Variants in NIPSNAP2 observed in about 807,000 individuals in gnomAD.
The protein encoded by NIPSNAP2 is nipsnap homolog 2.
In NIPSNAP2, 42 loss-of-function variants were observed where a neutral mutation model predicts 48.4. The ratio of observed to expected loss-of-function variants is 0.87; its 90% confidence interval spans 0.68 to 1.12. The LOEUF (loss-of-function observed/expected upper bound fraction) is 1.12, where lower values mean the gene tolerates loss of function less well. NIPSNAP2 is among the 50% of genes most tolerant of loss of function. The pLI, the probability that NIPSNAP2 is intolerant of heterozygous loss-of-function variation, is 0.00. For missense variants in NIPSNAP2, 314 were observed against 347.3 expected (o/e 0.90, Z 0.76); for synonymous variants, 158 against 126.6 (o/e 1.25, Z -1.67).
chr7:55,994,547 T>C (rs1170938768), intron 7 of NIPSNAP2, among the ~76,000 whole-genome samples: 1 of 152,004 alleles, frequency 6.6e-6, no homozygotes, highest in Non-Finnish European at 1.5e-5. Context: ...ATCTTGTCTC[T>C]ACTAAAAATA....
At chr7:55,987,708 G>A (rs1238045927) in intron 7 of NIPSNAP2, among the ~76,000 whole-genome samples, 5 of 152,180 alleles carry the variant, frequency 3.3e-5, no homozygotes, top group Non-Finnish European at 7.3e-5. Context: ...AGTGAAATAA[G>A]AGGACAAATA....
In NIPSNAP2 at chr7:55,997,615, G is replaced by A. The variant is rs142761499; in HGVS notation, c.796+166G>A. Among the ~76,000 whole-genome samples the A allele has an allele frequency of 3.2e-4, 48 of 152,250 alleles. 2 individuals carry two copies. Among genetic ancestry groups the A allele is most frequent in the African/African-American group, 1.1e-3 (46 of 41,548 alleles). Reference sequence around the variant, plus strand: ...GTCAATTTTTCTCTAATACTTACATGACTTTTTTTCAATAAAGTAGAATAT... The same window carrying A: ...GTCAATTTTTCTCTAATACTTACATAACTTTTTTTCAATAAAGTAGAATAT... On this transcript the variant is annotated intron_variant, in intron 9 of 9. Coordinates refer to ENST00000322090, the MANE Select transcript of NIPSNAP2 (RefSeq NM_001483.3).
At position 55,973,555 on chromosome 7, in the gene NIPSNAP2, A is replaced by G. The variant is rs58875447; in HGVS notation, c.93-4571A>G. 1.9e-3 allele frequency among the ~76,000 whole-genome samples: 283 copies of G among 151,814 alleles called. 2 individuals are homozygous for G. Among genetic ancestry groups the G allele is most frequent in the African/African-American group, 6.5e-3 (269 of 41,426 alleles). On this transcript the variant is annotated intron_variant, in intron 1 of 9. Coordinates refer to ENST00000322090, the MANE Select transcript of NIPSNAP2 (RefSeq NM_001483.3). The stretch of plus-strand genomic sequence containing the variant: ...CAGTGGCACGACTTGGCTCACTGCA[A>G]TCTCCACCTCCTGGGTTCAAGCGAT...
chr7:55,996,553 T>G (rs1482592186), intron 8 of NIPSNAP2, among the ~76,000 whole-genome samples: 2 of 152,132 alleles, frequency 1.3e-5, no homozygotes, highest in African/African-American at 4.8e-5. Flanking sequence ...ATCCTGGGGC[T>G]TCACCGCTGG....
intron 1 of NIPSNAP2, among the ~76,000 whole-genome samples, chr7:55,975,958 A>G (rs764982442): frequency 2.0e-5 from 3 of 151,982 alleles, no homozygotes; most frequent in African/African-American, 7.3e-5. Context: ...AATCGCTTGA[A>G]CCTGGGAGGT....
intron 1 of NIPSNAP2, among the ~76,000 whole-genome samples, chr7:55,972,163 G>T (rs368038652): frequency 6.6e-6 from 1 of 152,096 alleles, no homozygotes; most frequent in African/African-American, 2.4e-5. Context: ...AAAATTAGAT[G>T]GGTGTGGTGG....
intron 1 of NIPSNAP2, among the ~76,000 whole-genome samples, chr7:55,972,788 T>C (rs1289654882): frequency 6.6e-6 from 1 of 152,092 alleles, no homozygotes; most frequent in Non-Finnish European, 1.5e-5. Context: ...TCAAACTAAT[T>C]GACAAAATGT....
intron 7 of NIPSNAP2, among the ~76,000 whole-genome samples, chr7:55,985,563 C>A (rs1488996442): frequency 6.6e-6 from 1 of 151,778 alleles, no homozygotes. Flanking sequence ...ATAGTAAGAC[C>A]CCCAACCTCT....
chr7:55,964,790 G>A, intron 1 of NIPSNAP2, 89 bp downstream of exon 1: 2 of 622,026 alleles, frequency 3.2e-6, no homozygotes, highest in Non-Finnish European at 4.2e-6. Flanking sequence ...TCTCCGCCCC[G>A]GCCCTGTCCC....
Position 55,983,894 on chromosome 7 carries a change from C to A in NIPSNAP2, c.585+26C>A, listed in dbSNP as rs1450843650. ...GTAAGTACAGAAATATAAGTTATTCCTTTTACTCCTCTGTGAAAAAGCACA... is the reference window on the plus strand; with the variant it reads ...GTAAGTACAGAAATATAAGTTATTCATTTTACTCCTCTGTGAAAAAGCACA... On this transcript the variant is annotated intron_variant, in intron 6 of 9. Coordinates refer to ENST00000322090, the MANE Select transcript of NIPSNAP2 (RefSeq NM_001483.3). The A allele has an allele frequency of 1.9e-6, 3 of 1,601,512 alleles. No individual in the cohort carries two copies. The African/African-American group carries it at 4.0e-5, about 22-fold the overall frequency.
chr7:55,975,575 A>C (rs1787092446), intron 1 of NIPSNAP2, among the ~76,000 whole-genome samples: 1 of 152,178 alleles, frequency 6.6e-6, no homozygotes, highest in South Asian at 2.1e-4. Flanking sequence ...TGATTATAAA[A>C]GGATTAACTT....
intron 3 of NIPSNAP2, chr7:55,981,194 T>A: frequency 5.3e-6 from 1 of 188,254 alleles, no homozygotes; most frequent in Non-Finnish European, 1.1e-5. Context: ...GCTCCCAAAA[T>A]CCTGGGACCT....
At position 55,983,884 on chromosome 7, in the gene NIPSNAP2, T is replaced by G; in HGVS notation, c.585+16T>G. On this transcript the variant is annotated intron_variant, in intron 6 of 9. Transcript: ENST00000322090. ...CCAACTCCGAGTAAGTACAGAAATA[T>G]AAGTTATTCCTTTTACTCCTCTGTG... is the stretch of plus-strand genomic sequence containing the variant. 1 of 1,608,312 alleles carries G rather than the reference T, an allele frequency of 6.2e-7. No individual in the cohort carries two copies. Among genetic ancestry groups the G allele is most frequent in the South Asian group, 1.1e-5 (1 of 89,742 alleles).
chr7:55,994,890 A>G lies in NIPSNAP2; in HGVS notation c.618-4A>G. 1.2e-6 allele frequency: 2 copies of G among 1,613,478 alleles called. No homozygotes were observed. The highest frequency in any genetic ancestry group is 1.3e-5 in the African/African-American group (1 of 75,026). On this transcript the variant is annotated splice_region_variant and splice_polypyrimidine_tract_variant and intron_variant, in intron 7 of 9. Coordinates refer to ENST00000322090, the MANE Select transcript of NIPSNAP2 (RefSeq NM_001483.3). ...CTTAAACAAACATCATCTCATTCTT[A>G]CAGGGCTCGTGCAATCCGCTTCAGA... is the stretch of plus-strand genomic sequence containing the variant.
intron 8 of NIPSNAP2, among the ~76,000 whole-genome samples, chr7:55,995,827 C>T (rs1185704076): frequency 1.3e-5 from 2 of 152,172 alleles, no homozygotes; most frequent in Admixed American, 6.6e-5. Flanking sequence ...GCAGGACAGA[C>T]CTCTTGTCTC....
Position 56,000,157 on chromosome 7 carries a change from A to T in NIPSNAP2, c.*1085A>T, listed in dbSNP as rs777997733. The T allele has an allele frequency of 1.3e-5, 2 of 152,536 alleles. No homozygotes were observed. The highest frequency in any genetic ancestry group is 2.9e-5 in the Non-Finnish European group (2 of 68,040). The allele number at this position is 152,536 out of a possible 1,614,324, so 9.4% of individuals were successfully genotyped here. A position where few individuals can be genotyped will look rare whatever the true frequency, so the allele number is the denominator to read the frequency against. ...TTTCTCAAAGAACATAGAAAAGTCA[A>T]TAAAATCCTCTTAATTTCCACATAT... On this transcript the variant is annotated 3_prime_UTR_variant, in exon 10 of 10. Coordinates refer to ENST00000322090, the MANE Select transcript of NIPSNAP2 (RefSeq NM_001483.3).
chr7:55,986,041 C>A (rs113241761), intron 7 of NIPSNAP2, among the ~76,000 whole-genome samples: 84 of 151,788 alleles, frequency 5.5e-4, no homozygotes, highest in African/African-American at 1.9e-3. Flanking sequence ...GAGTGAGACT[C>A]CTTTTCAAAA....
intron 7 of NIPSNAP2, among the ~76,000 whole-genome samples, chr7:55,992,408 C>T (rs56351949): frequency 0.17 from 26,263 of 152,056 alleles, 2,786 homozygotes; most frequent in Non-Finnish European, 0.23. Flanking sequence ...GAGGCTCCCT[C>T]GAGCCCAAGA....
rs1026932154 is a variant in NIPSNAP2 at position 55,970,099 on chromosome 7, T to C, written c.92+5398T>C. On this transcript the variant is annotated intron_variant, in intron 1 of 9. Transcript: ENST00000322090. ...CTTCAGTTTCCTCTTCCCCGCCTGA[T>C]CAGCACTCACAAGCTTCTTCTGAAT... is the stretch of plus-strand genomic sequence containing the variant. Among the ~76,000 whole-genome samples, 9 of 151,986 alleles carry C rather than the reference T, an allele frequency of 5.9e-5. No individual in the cohort carries two copies. The South Asian group carries it at 1.9e-3, about 32-fold the overall frequency.
Sources: allele counts gnomAD v4.1 joint callset (sites outside exome capture counted in the v4.1 genomes callset), GRCh38; gene constraint gnomAD v4.1.1; transcripts MANE v1.5; gene names NCBI Gene and HGNC (gene_info 2026-07-23, HGNC 2026-07-21).